RGS21: variants seen among roughly 807,000 people sequenced by gnomAD.
RGS21 encodes regulator of G-protein signalling 21.
In RGS21, 19 loss-of-function variants were observed where a neutral mutation model predicts 18.7. The observed-to-expected ratio is 1.01, with a 90% CI of 0.71 to 1.49. RGS21 has a LOEUF of 1.49. Among genes scored for constraint, RGS21 ranks in the 40% most tolerant of loss-of-function variants. The pLI is 0.00. For missense variants in RGS21, 194 were observed against 176.8 expected (o/e 1.10, Z -0.55); for synonymous variants, 56 against 57.8 (o/e 0.97, Z 0.14).
chr1:192,337,409 TAAATA>T (rs2102227594), intron 1 of RGS21, among the ~76,000 whole-genome samples: 1 of 152,120 alleles, frequency 6.6e-6, no homozygotes, highest in South Asian at 2.1e-4. Flanking sequence ...TATTTTTTAT[TAAATA>T]AAAAATATTG....
At chr1:192,326,855 C>A (rs1658574699) in intron 1 of RGS21, among the ~76,000 whole-genome samples, 1 of 151,966 alleles carries the variant, frequency 6.6e-6, no homozygotes, top group African/African-American at 2.4e-5. Flanking sequence ...GTGAAGAATG[C>A]CAATAAATTA....
chr1:192,331,854 A>G (rs542947585), intron 1 of RGS21, among the ~76,000 whole-genome samples: 3 of 152,114 alleles, frequency 2.0e-5, no homozygotes, highest in South Asian at 2.1e-4. Flanking sequence ...TTCCTTTGAG[A>G]CCATTTAAAA....
At chr1:192,331,486 G>T (rs1453646770) in intron 1 of RGS21, among the ~76,000 whole-genome samples, 1 of 151,956 alleles carries the variant, frequency 6.6e-6, no homozygotes, top group Non-Finnish European at 1.5e-5. Context: ...GGCGGAGGTT[G>T]CAGTGAGCCC....
intron 1 of RGS21, among the ~76,000 whole-genome samples, chr1:192,337,223 T>A (rs75446381): frequency 6.6e-6 from 1 of 152,040 alleles, no homozygotes; most frequent in Non-Finnish European, 1.5e-5. Flanking sequence ...TCTCAAATAT[T>A]GTACGTTTTT....
intron 1 of RGS21, among the ~76,000 whole-genome samples, chr1:192,320,502 GTGTATGTGTATGTGTATGTGTATA>G (rs1658480442): frequency 7.2e-6 from 1 of 138,706 alleles, no homozygotes; most frequent in African/African-American, 2.8e-5. Context: ...GTAAAGGAAT[GTGTATGTGTATGTGTATGTGTATA>G]TGTATGTGTA....
intron 1 of RGS21, among the ~76,000 whole-genome samples, chr1:192,331,501 C>T (rs549881837): frequency 6.6e-6 from 1 of 151,782 alleles, no homozygotes; most frequent in African/African-American, 2.4e-5. Flanking sequence ...GAGCCCAGAT[C>T]GTGCCACTGC....
chr1:192,347,815 A>G (rs938207445), intron 3 of RGS21, among the ~76,000 whole-genome samples: 17 of 152,016 alleles, frequency 1.1e-4, no homozygotes, highest in Non-Finnish European at 1.9e-4. Flanking sequence ...ATGCACCACC[A>G]TACCCGGCTA....
Position 192,352,220 on chromosome 1 carries a change from G to A in RGS21, c.255+7G>A, listed in dbSNP as rs541632523. 6.3e-7 allele frequency: 1 copy of A among 1,595,022 alleles called. No homozygotes were observed. Among genetic ancestry groups the A allele is most frequent in the South Asian group, 1.1e-5 (1 of 88,174 alleles). On this transcript the variant is annotated splice_region_variant and intron_variant, in intron 4 of 4. Transcript: ENST00000417209. ...AGCTGATGCACCTAAAGAGGTGAGT[G>A]AACTACTTCAGAACAGTGAAGAGTC... is the stretch of plus-strand genomic sequence containing the variant.
At chr1:192,324,084 C>T (rs1324836284) in intron 1 of RGS21, among the ~76,000 whole-genome samples, 4 of 151,968 alleles carry the variant, frequency 2.6e-5, no homozygotes, top group African/African-American at 7.2e-5. Flanking sequence ...AGAAATAATA[C>T]ACATGTAATC....
intron 1 of RGS21, among the ~76,000 whole-genome samples, chr1:192,333,740 G>A (rs902610163): frequency 1.3e-5 from 2 of 151,638 alleles, no homozygotes; most frequent in African/African-American, 4.8e-5. Flanking sequence ...TGATGTAATG[G>A]AATAGTTCTG....
Position 192,342,002 on chromosome 1 carries a change from C to T in RGS21, c.-60-975C>T, listed in dbSNP as rs185838713. ...ATGATTTCCCTTCTTAATGATACAC[C>T]GACTTTTTAGGTCATTTCTTCTACT... On this transcript the variant is annotated intron_variant, in intron 1 of 4. Coordinates refer to ENST00000417209, the MANE Select transcript of RGS21 (RefSeq NM_001039152.3). Among the ~76,000 whole-genome samples, 193 of 151,986 alleles carry T rather than the reference C, an allele frequency of 1.3e-3. 1 individual carries two copies. Among genetic ancestry groups the T allele is most frequent in the African/African-American group, 3.6e-3 (148 of 41,454 alleles).
intron 4 of RGS21, among the ~76,000 whole-genome samples, chr1:192,360,029 T>G (rs920921803): frequency 2.0e-5 from 3 of 151,902 alleles, no homozygotes; most frequent in African/African-American, 7.2e-5. Flanking sequence ...CTTTCACCAT[T>G]TCTTTTCCTG....
At position 192,334,926 on chromosome 1, in the gene RGS21, C is replaced by T. The variant is rs137889592; in HGVS notation, c.-60-8051C>T. Among the ~76,000 whole-genome samples, 424 of 152,156 alleles carry T rather than the reference C, an allele frequency of 2.8e-3. 2 individuals are homozygous for T. In the Middle Eastern group the frequency reaches 0.034, roughly 12 times the overall value. On this transcript the variant is annotated intron_variant, in intron 1 of 4. Transcript: ENST00000417209. The stretch of plus-strand genomic sequence containing the variant: ...CTTATGTCATTACAAAGCTTGAAAG[C>T]CTGCCTAATGAGTTTGCACAAATCC...
intron 1 of RGS21, among the ~76,000 whole-genome samples, chr1:192,331,972 GT>G (rs1250451955): frequency 1.3e-4 from 19 of 151,504 alleles, no homozygotes; most frequent in African/African-American, 4.4e-4. Context: ...ATTATTTGAT[GT>G]AAAAAAAATA....
chr1:192,321,976 TA>T (rs974967084), intron 1 of RGS21, among the ~76,000 whole-genome samples: 20 of 152,162 alleles, frequency 1.3e-4, no homozygotes, highest in Admixed American at 1.2e-3. Context: ...GTCTCATTTT[TA>T]AAAAGTAATT....
At chr1:192,339,732 G>C (rs1658829552) in intron 1 of RGS21, among the ~76,000 whole-genome samples, 1 of 151,844 alleles carries the variant, frequency 6.6e-6, no homozygotes, top group South Asian at 2.1e-4. Context: ...CTTAAACTTT[G>C]TTTTGCAATT....
chr1:192,321,137 T>C (rs1431758424), intron 1 of RGS21, among the ~76,000 whole-genome samples: 1 of 151,958 alleles, frequency 6.6e-6, no homozygotes, highest in Non-Finnish European at 1.5e-5. Context: ...TAAAAGCTAT[T>C]AATAAAATTA....
At chr1:192,362,314 A>G (rs948287455) in intron 4 of RGS21, among the ~76,000 whole-genome samples, 1 of 152,202 alleles carries the variant, frequency 6.6e-6, no homozygotes, top group Non-Finnish European at 1.5e-5. Flanking sequence ...GGTATCAGAT[A>G]AATGACAAAT....
intron 1 of RGS21, among the ~76,000 whole-genome samples, chr1:192,334,851 A>G (rs1460914677): frequency 6.6e-6 from 1 of 152,092 alleles, no homozygotes; most frequent in African/African-American, 2.4e-5. Context: ...CCTTCCCCCA[A>G]CAAGATTGGG....
Sources: allele counts gnomAD v4.1 joint callset (sites outside exome capture counted in the v4.1 genomes callset), GRCh38; gene constraint gnomAD v4.1.1; transcripts MANE v1.5; gene names NCBI Gene and HGNC (gene_info 2026-07-23, HGNC 2026-07-21).